The following NXN variants were observed in gnomAD, a reference collection of about 807,000 sequenced individuals.
NXN encodes nucleoredoxin 1.
In NXN, 16 loss-of-function variants were observed where a neutral mutation model predicts 48.6. That is an observed-to-expected ratio of 0.33 (90% CI 0.22 to 0.50). NXN has a LOEUF of 0.50. Among genes scored for constraint, NXN ranks in the 20% least tolerant of loss-of-function variants. NXN has a pLI of 0.98. For synonymous variants in NXN, 281 were observed against 269.6 expected, an observed-to-expected ratio of 1.04 and a Z score of -0.41; for missense variants, 492 against 605.5, an observed-to-expected ratio of 0.81 and a Z score of 1.97.
chr17:860,320 C>T (rs1248057288), intron 1 of NXN, among the ~76,000 whole-genome samples: 8 of 143,640 alleles, frequency 5.6e-5, no homozygotes, highest in East Asian at 2.2e-4. Context: ...GACAGGGTTT[C>T]GCCATCCTGG....
chr17:844,336 A>T (rs62067139), intron 1 of NXN, among the ~76,000 whole-genome samples: 78 of 129,104 alleles, frequency 6.0e-4, no homozygotes, highest in South Asian at 1.6e-3. Flanking sequence ...GAAGGTGGAG[A>T]CCAGGCCATC....
At chr17:946,725 T>C (rs1429075131) in intron 1 of NXN, among the ~76,000 whole-genome samples, 1 of 152,238 alleles carries the variant, frequency 6.6e-6, no homozygotes, top group Non-Finnish European at 1.5e-5. Flanking sequence ...AGCGGGCGAC[T>C]GTACCGCTGA....
chr17:960,741 G>T (rs571402970), intron 1 of NXN, among the ~76,000 whole-genome samples: 1 of 151,454 alleles, frequency 6.6e-6, no homozygotes, highest in South Asian at 2.1e-4. Context: ...GCCTCCCAAA[G>T]CACTGGGATT....
intron 1 of NXN, among the ~76,000 whole-genome samples, chr17:850,588 T>G (rs12936471): frequency 0.58 from 88,372 of 151,800 alleles, 27,634 homozygotes; most frequent in African/African-American, 0.83. Flanking sequence ...CTGTCTCCAG[T>G]GGGGCTGGGG....
chr17:914,557 G>A (rs999503338), intron 1 of NXN, among the ~76,000 whole-genome samples: 1 of 148,012 alleles, frequency 6.8e-6, no homozygotes, highest in East Asian at 2.1e-4. Context: ...GTAATTGGTA[G>A]CGCAAGCAAG....
At chr17:955,940 C>G (rs539563221) in intron 1 of NXN, among the ~76,000 whole-genome samples, 1 of 152,074 alleles carries the variant, frequency 6.6e-6, no homozygotes, top group South Asian at 2.1e-4. Flanking sequence ...TATGACTGGC[C>G]CAGCCATACA....
In NXN at chr17:920,056, C is replaced by T. The variant is rs762040937; in HGVS notation, c.360+59263G>A. On this transcript the variant is annotated intron_variant, in intron 1 of 7. Coordinates refer to ENST00000336868, the MANE Select transcript of NXN (RefSeq NM_022463.5). This position sits in a 1 kb window ranked among gnomAD's most constrained non-coding sequence, Gnocchi z 4.6. Reference sequence around the variant, plus strand: ...GCCTCCAACTCTCTTCGAGCCACCACGCGGTGCAAATGTTTGTATTTTTGG... The same window carrying T: ...GCCTCCAACTCTCTTCGAGCCACCATGCGGTGCAAATGTTTGTATTTTTGG... 7.9e-5 allele frequency among the ~76,000 whole-genome samples: 12 copies of T among 152,118 alleles called. No homozygotes were observed. Among genetic ancestry groups the T allele is most frequent in the East Asian group, 5.8e-4 (3 of 5,174 alleles).
At chr17:916,967 T>C (rs1190132719) in intron 1 of NXN, among the ~76,000 whole-genome samples, 1 of 152,182 alleles carries the variant, frequency 6.6e-6, no homozygotes, top group East Asian at 1.9e-4. Context: ...TTGTAAATTT[T>C]CAAACCACCT....
chr17:840,523 T>C (rs1914100115), intron 1 of NXN, among the ~76,000 whole-genome samples: 1 of 152,116 alleles, frequency 6.6e-6, no homozygotes, highest in African/African-American at 2.4e-5. Context: ...GTATTTTTAG[T>C]AGAGACAGGG....
chr17:814,164 A>T (rs1020837579), intron 5 of NXN, among the ~76,000 whole-genome samples: 9 of 144,818 alleles, frequency 6.2e-5, no homozygotes, highest in Non-Finnish European at 1.4e-4. Flanking sequence ...CCGGAGGCTG[A>T]CGCAGGAGAA....
At chr17:934,575 T>G (rs558583066) in intron 1 of NXN, among the ~76,000 whole-genome samples, 5 of 151,366 alleles carry the variant, frequency 3.3e-5, no homozygotes, top group Non-Finnish European at 5.9e-5. Flanking sequence ...TCTGGCCAAA[T>G]TCCAACCCAA....
Position 840,485 on chromosome 17 carries a change from G to A in NXN, c.361-14407C>T, listed in dbSNP as rs560304503. On this transcript the variant is annotated intron_variant, in intron 1 of 7. Coordinates refer to ENST00000336868, the MANE Select transcript of NXN (RefSeq NM_022463.5). Reference sequence around the variant, plus strand: ...CTCCCAGGTAGCTGGGACTACAGGCGCCTGCCACCACGCACAGCTAATTTT... The same window carrying A: ...CTCCCAGGTAGCTGGGACTACAGGCACCTGCCACCACGCACAGCTAATTTT... Among the ~76,000 whole-genome samples, 15 of 152,144 alleles carry A rather than the reference G, an allele frequency of 9.9e-5. No homozygotes were observed. In the East Asian group the frequency reaches 2.9e-3, roughly 30 times the overall value.
chr17:820,940 C>A lies in NXN; in HGVS notation c.714-1395G>T, dbSNP rs71358513. Among the ~76,000 whole-genome samples, 224 of 53,432 alleles carry A rather than the reference C, an allele frequency of 4.2e-3. 34 individuals are homozygous for A. In the Middle Eastern group the frequency reaches 0.046, roughly 11 times the overall value. 35.1% of individuals were successfully genotyped at this position (53,432 alleles called of 152,430 possible). ...CTCCACCTAAAAAAAAAAAAAAAAA[C>A]AAAAAAAAAAACTGACTGCTGCACC... On this transcript the variant is annotated intron_variant, in intron 4 of 7. Coordinates refer to ENST00000336868, the MANE Select transcript of NXN (RefSeq NM_022463.5).
intron 1 of NXN, among the ~76,000 whole-genome samples, chr17:882,460 G>T (rs1028004989): frequency 9.7e-4 from 147 of 151,226 alleles, no homozygotes; most frequent in Non-Finnish European, 1.0e-3. Flanking sequence ...GGTTTCTTTT[G>T]TTTGTTTTGT....
intron 1 of NXN, among the ~76,000 whole-genome samples, chr17:887,879 G>A (rs1177192488): frequency 6.6e-6 from 1 of 152,174 alleles, no homozygotes; most frequent in Non-Finnish European, 1.5e-5. Context: ...GGGCTTCAGC[G>A]TCACGGAGGC....
intron 5 of NXN, among the ~76,000 whole-genome samples, chr17:813,217 T>C (rs1030953321): frequency 2.6e-5 from 4 of 152,238 alleles, no homozygotes; most frequent in Non-Finnish European, 5.9e-5. Flanking sequence ...TTCAGAGGTA[T>C]TTCGGCCCAG....
rs1433409449 is a variant in NXN, at chr17:849,348, CAG to C, written c.361-23272_361-23271del. On this transcript the variant is annotated intron_variant, in intron 1 of 7. Coordinates refer to ENST00000336868, the MANE Select transcript of NXN (RefSeq NM_022463.5). This position sits in a 1 kb window ranked among gnomAD's most constrained non-coding sequence, Gnocchi z 4.2. ...AGGAGTTAGAGACCACCCTGGCAAA[CAG>C]GGTGAAATCTCATCTCTACTAAAAA... is the stretch of plus-strand genomic sequence containing the variant. 6.6e-6 allele frequency among the ~76,000 whole-genome samples: 1 copy of C among 152,158 alleles called. No homozygotes were observed. Among genetic ancestry groups the C allele is most frequent in the African/African-American group, 2.4e-5 (1 of 41,434 alleles).
chr17:937,928 C>T (rs983639116), intron 1 of NXN, among the ~76,000 whole-genome samples: 4 of 152,220 alleles, frequency 2.6e-5, no homozygotes, highest in African/African-American at 7.2e-5. Context: ...GGAAGAAAAA[C>T]GCTGCGCCCA....
rs1420763781 is a variant in NXN, at chr17:846,430, A to AG, written c.361-20353_361-20352insC. Among the ~76,000 whole-genome samples the AG allele has an allele frequency of 3.5e-3, 500 of 142,678 alleles. 3 individuals are homozygous for AG. The highest frequency in any genetic ancestry group is 0.012 in the African/African-American group (458 of 38,130). 93.6% of individuals were successfully genotyped at this position (142,678 alleles called of 152,430 possible). A position where few individuals can be genotyped will look rare whatever the true frequency, so the allele number is the denominator to read the frequency against. On this transcript the variant is annotated intron_variant, in intron 1 of 7. Coordinates refer to ENST00000336868, the MANE Select transcript of NXN (RefSeq NM_022463.5). ...AATTGTCTCAAAAAAAAAAAAAAAAAAGAAAAGAAAAAAGAAAAAAAATTT... is the reference window on the plus strand; with the variant it reads ...AATTGTCTCAAAAAAAAAAAAAAAAAGAGAAAAGAAAAAAGAAAAAAAATTT...
Sources: allele counts gnomAD v4.1 joint callset (sites outside exome capture counted in the v4.1 genomes callset), GRCh38; gene constraint gnomAD v4.1.1; non-coding constraint Gnocchi (gnomAD v3.1); transcripts MANE v1.5; gene names NCBI Gene and HGNC (gene_info 2026-07-23, HGNC 2026-07-21).